ARHGAP8: variants seen among roughly 807,000 people sequenced by gnomAD.
ARHGAP8 encodes the protein rho GTPase-activating protein 8.
A neutral mutation model predicts 46.1 loss-of-function variants in ARHGAP8; 62 were observed. That is an observed-to-expected ratio of 1.34 (90% CI 1.10 to 1.66). The LOEUF (loss-of-function observed/expected upper bound fraction) is 1.66. ARHGAP8 is among the 40% of genes most tolerant of loss of function. The pLI, the probability that ARHGAP8 is intolerant of heterozygous loss-of-function variation, is 0.00. For synonymous variants in ARHGAP8, 375 were observed against 243.1 expected (o/e 1.54, Z -5.05); for missense variants, 923 against 568.4 (o/e 1.62, Z -6.34).
chr22:44,770,836 C>T (rs1418248416), intron 1 of ARHGAP8, among the ~76,000 whole-genome samples: 1 of 152,202 alleles, frequency 6.6e-6, no homozygotes, highest in African/African-American at 2.4e-5. Flanking sequence ...TCTCATTAAT[C>T]CTCACCTTGT....
At chr22:44,764,656 G>A (rs760129535) in intron 1 of ARHGAP8, among the ~76,000 whole-genome samples, 42 of 152,226 alleles carry the variant, frequency 2.8e-4, no homozygotes, top group Non-Finnish European at 5.4e-4. Flanking sequence ...CTCCTTTACA[G>A]TGTCAGTTGA....
intron 2 of ARHGAP8, among the ~76,000 whole-genome samples, chr22:44,794,012 G>A (rs1404681680): frequency 1.3e-5 from 2 of 152,174 alleles, no homozygotes; most frequent in South Asian, 4.1e-4. Context: ...GCCTCAGTGC[G>A]GGGCATGCGC....
At chr22:44,794,891 A>G (rs1927963012) in intron 2 of ARHGAP8, among the ~76,000 whole-genome samples, 1 of 151,894 alleles carries the variant, frequency 6.6e-6, no homozygotes, top group Admixed American at 6.6e-5. Context: ...ATCTATTGAT[A>G]TGAGCCAGGT....
intron 7 of ARHGAP8, among the ~76,000 whole-genome samples, chr22:44,837,304 A>G (rs559520643): frequency 1.3e-5 from 2 of 152,338 alleles, no homozygotes; most frequent in Admixed American, 1.3e-4. Context: ...GGGTACAAGC[A>G]AGAATTCTAT....
At chr22:44,849,877 G>A (rs949415965) in intron 10 of ARHGAP8, 2 of 152,166 alleles carry the variant, frequency 1.3e-5, no homozygotes, top group African/African-American at 4.8e-5. Flanking sequence ...CTTTGTCCTG[G>A]CCCCTGGGGG....
At chr22:44,860,599 C>T (rs189480453) in intron 11 of ARHGAP8, among the ~76,000 whole-genome samples, 78 of 150,914 alleles carry the variant, frequency 5.2e-4, no homozygotes, top group Middle Eastern at 3.2e-3. Flanking sequence ...CAGTCAGATT[C>T]TCTGTGGTCT....
At chr22:44,857,411 C>A (rs2070258671) in intron 10 of ARHGAP8, among the ~76,000 whole-genome samples, 2 of 152,018 alleles carry the variant, frequency 1.3e-5, no homozygotes, top group South Asian at 2.1e-4. Context: ...TGGTGGGGGC[C>A]CTGTTGCTTG....
chr22:44,861,941 C>T (rs1319525870), intron 11 of ARHGAP8, among the ~76,000 whole-genome samples: 1 of 152,154 alleles, frequency 6.6e-6, no homozygotes, highest in Non-Finnish European at 1.5e-5. Flanking sequence ...GAGAGGTCAC[C>T]AAGTTCGTAC....
chr22:44,859,345 T>G (rs2070350079), intron 10 of ARHGAP8, among the ~76,000 whole-genome samples: 1 of 149,244 alleles, frequency 6.7e-6, no homozygotes, highest in African/African-American at 2.5e-5. Context: ...TAAAAGCATG[T>G]GGCACCTCTG....
At chr22:44,822,577 G>A in intron 6 of ARHGAP8, 108 bp downstream of exon 6, 8 of 1,000,858 alleles carry the variant, frequency 8.0e-6, no homozygotes, top group Non-Finnish European at 9.7e-6. Context: ...ATGTGTGCTT[G>A]GCTAGATTTG....
intron 9 of ARHGAP8, among the ~76,000 whole-genome samples, chr22:44,848,368 T>A (rs975114415): frequency 4.1e-5 from 6 of 145,468 alleles, no homozygotes; most frequent in Non-Finnish European, 1.5e-5. Context: ...CTGGTTTTTT[T>A]TATCTGGCAG....
intron 10 of ARHGAP8, among the ~76,000 whole-genome samples, chr22:44,852,423 T>TC (rs1316475149): frequency 6.6e-6 from 1 of 151,448 alleles, no homozygotes; most frequent in Non-Finnish European, 1.5e-5. Context: ...GTAGGGGGAG[T>TC]CAGAGAGAGC....
At chr22:44,844,855 T>C (rs757501183) in intron 7 of ARHGAP8, among the ~76,000 whole-genome samples, 1 of 152,144 alleles carries the variant, frequency 6.6e-6, no homozygotes, top group Non-Finnish European at 1.5e-5. Context: ...TGAATCAATA[T>C]CCAGTCCAGG....
intron 7 of ARHGAP8, among the ~76,000 whole-genome samples, chr22:44,827,028 G>A (rs1167937469): frequency 1.3e-5 from 2 of 152,140 alleles, no homozygotes; most frequent in African/African-American, 4.8e-5. Flanking sequence ...AAGGGGCTTG[G>A]CAGAAATGAT....
At chr22:44,753,039 C>A (rs915377007) in intron 1 of ARHGAP8, among the ~76,000 whole-genome samples, 1 of 151,724 alleles carries the variant, frequency 6.6e-6, no homozygotes, top group South Asian at 2.1e-4. Flanking sequence ...GTCGGGTCAG[C>A]GCCTGGGGGA....
chr22:44,757,749 G>A (rs971246598), intron 1 of ARHGAP8, among the ~76,000 whole-genome samples: 5 of 149,694 alleles, frequency 3.3e-5, no homozygotes, highest in East Asian at 2.0e-4. Context: ...AATGATTCTC[G>A]TGCCTCAGCC....
intron 3 of ARHGAP8, 138 bp downstream of exon 3, chr22:44,802,302 C>A: frequency 9.0e-7 from 1 of 1,105,768 alleles, no homozygotes; most frequent in Non-Finnish European, 1.3e-6. Context: ...AGAGCTCTTG[C>A]ACTCATGAGC....
chr22:44,798,551 G>A (rs915503814), intron 2 of ARHGAP8, among the ~76,000 whole-genome samples: 1 of 151,108 alleles, frequency 6.6e-6, no homozygotes, highest in African/African-American at 2.4e-5. Flanking sequence ...TTTTGGGTAG[G>A]GCTGGGGTAC....
intron 5 of ARHGAP8, among the ~76,000 whole-genome samples, chr22:44,822,019 T>A (rs1482202563): frequency 1.3e-5 from 2 of 152,214 alleles, no homozygotes; most frequent in Non-Finnish European, 2.9e-5. Flanking sequence ...TCTGTGCCAG[T>A]GGCTTAGTGC....
Sources: gnomAD v4.1 joint callset for allele counts (sites outside exome capture counted in the v4.1 genomes callset) on GRCh38, gnomAD v4.1.1 for gene constraint, MANE v1.5 for transcripts, NCBI Gene and HGNC (gene_info 2026-07-23, HGNC 2026-07-21) for gene names.